DNAH7: variants seen among roughly 807,000 people sequenced by gnomAD.
DNAH7 encodes axonemal beta dynein heavy chain 7.
Under a neutral mutation model 444.6 loss-of-function variants are expected in DNAH7, and 397 were observed. The ratio of observed to expected loss-of-function variants is 0.89; its 90% CI spans 0.82 to 0.97. The LOEUF (loss-of-function observed/expected upper bound fraction) is 0.97, where lower values mean the gene tolerates loss of function less well. DNAH7 is among the 50% of genes least tolerant of loss of function. DNAH7 has a pLI of 0.00. For synonymous variants in DNAH7, 1,636 were observed against 1,624.4 expected, an observed-to-expected ratio of 1.01 and a Z score of -0.17; for missense variants, 4,902 against 4,800.8, an observed-to-expected ratio of 1.02 and a Z score of -0.62.
chr2:195,933,902 C>A (rs4477937), intron 21 of DNAH7, among the ~76,000 whole-genome samples: 151,473 of 152,248 alleles, frequency 0.99, 75,350 homozygotes, highest in Middle Eastern at 1. Flanking sequence ...AGTATAGTAA[C>A]AAATAAAAAA....
At chr2:196,045,158 AAGAAGG>A (rs1411511845) in intron 5 of DNAH7, among the ~76,000 whole-genome samples, 1 of 145,816 alleles carries the variant, frequency 6.9e-6, no homozygotes, top group African/African-American at 2.6e-5. Flanking sequence ...GGAGGAGGAG[AAGAAGG>A]AGGAGGAGGA....
At chr2:196,019,403 C>T in intron 8 of DNAH7, 108 bp from the exon 9 acceptor site, 1 of 817,720 alleles carries the variant, frequency 1.2e-6, no homozygotes, top group Non-Finnish European at 1.7e-6. Flanking sequence ...GTGCTGTATC[C>T]CTCATCATAA....
Position 195,890,789 on chromosome 2 carries a change from C to T in DNAH7, c.5046+866G>A, listed in dbSNP as rs146163586. 5.5e-4 allele frequency among the ~76,000 whole-genome samples: 84 copies of T among 152,298 alleles called. 1 individual carries two copies. The highest frequency in any genetic ancestry group is 1.8e-3 in the African/African-American group (76 of 41,570). On this transcript the variant is annotated intron_variant, in intron 31 of 64. Transcript: ENST00000312428. ...CAATAAGAGCAGAGCTGAGATTTCA[C>T]GTTTTATCCATTATTACCTGACTCA...
chr2:195,954,855 A>G (rs921523699), intron 19 of DNAH7, among the ~76,000 whole-genome samples: 5 of 151,976 alleles, frequency 3.3e-5, no homozygotes, highest in Non-Finnish European at 4.4e-5. Context: ...CATATCCTTC[A>G]CCCACTTGTT....
At chr2:196,030,204 AAGAC>A (rs1425751230) in intron 5 of DNAH7, among the ~76,000 whole-genome samples, 3 of 152,200 alleles carry the variant, frequency 2.0e-5, no homozygotes, top group Non-Finnish European at 2.9e-5. Context: ...TGATAGCAGA[AAGAC>A]AGAGAAATGA....
intron 1 of DNAH7, among the ~76,000 whole-genome samples, chr2:196,064,577 A>T (rs548570847): frequency 5.0e-4 from 76 of 152,250 alleles, no homozygotes; most frequent in Non-Finnish European, 7.2e-4. Flanking sequence ...CCATCCTGGA[A>T]TTTTGTGTTT....
intron 24 of DNAH7, among the ~76,000 whole-genome samples, chr2:195,915,787 A>AT (rs1187275207): frequency 6.6e-6 from 1 of 152,156 alleles, no homozygotes; most frequent in Non-Finnish European, 1.5e-5. Flanking sequence ...TTCTTCAGCC[A>AT]TATGGAAAGC....
intron 5 of DNAH7, among the ~76,000 whole-genome samples, chr2:196,030,687 C>T (rs936143327): frequency 1.2e-4 from 19 of 152,214 alleles, no homozygotes; most frequent in Admixed American, 1.0e-3. Flanking sequence ...GGTTACAGAG[C>T]CCATTCAAGT....
chr2:195,788,375 G>T (rs115732628), intron 57 of DNAH7, among the ~76,000 whole-genome samples: 1 of 152,184 alleles, frequency 6.6e-6, no homozygotes, highest in African/African-American at 2.4e-5. Flanking sequence ...TGGAAACCTA[G>T]ATTTTGAATA....
intron 43 of DNAH7, among the ~76,000 whole-genome samples, chr2:195,858,149 C>A (rs114841050): frequency 1.7e-3 from 253 of 152,162 alleles, no homozygotes; most frequent in African/African-American, 5.9e-3. Context: ...GAAAAAGGTA[C>A]CCCTTAGAAT....
chr2:195,795,608 T>G (rs987746822), intron 56 of DNAH7, among the ~76,000 whole-genome samples: 2 of 152,252 alleles, frequency 1.3e-5, no homozygotes, highest in East Asian at 1.9e-4. Flanking sequence ...ACTTGAGAAG[T>G]AGGCAAAGGT....
At position 195,884,637 on chromosome 2, in the gene DNAH7, G is replaced by A. The variant is rs764556067; in HGVS notation, c.5711C>T (p.Thr1904Ile). The A allele has an allele frequency of 1.8e-5, 29 of 1,614,170 alleles. No individual in the cohort carries two copies. The highest frequency in any genetic ancestry group is 2.5e-5 in the Non-Finnish European group (29 of 1,180,004). ...GTEQTSSKAL[T>I]VPFPEKGTIY... ...TGTTCCTTTTTCAGGAAATGGGACAGTTAGTGCCTTTGAGGATGTTTGCTC... is the reference window on the plus strand; with the variant it reads ...TGTTCCTTTTTCAGGAAATGGGACAATTAGTGCCTTTGAGGATGTTTGCTC... The change falls in exon 35 of 65, where the codon ACT becomes ATT. Residue 1904 changes from threonine to isoleucine, a missense_variant. Thr to Ile is a moderately conservative substitution (Grantham distance 89, BLOSUM62 -1). Transcript: ENST00000312428.
At chr2:196,018,211 T>C (rs775482584) in intron 9 of DNAH7, among the ~76,000 whole-genome samples, 1 of 152,138 alleles carries the variant, frequency 6.6e-6, no homozygotes, top group Non-Finnish European at 1.5e-5. Flanking sequence ...CCTAGTAGTC[T>C]AGCAAAGGCA....
chr2:195,817,896 T>C, intron 49 of DNAH7, 67 bp from the exon 50 acceptor site: 1 of 1,253,162 alleles, frequency 8.0e-7, no homozygotes, highest in South Asian at 1.6e-5. Flanking sequence ...CTTTTATGTG[T>C]CAAGTTCTGC....
Position 195,777,691 on chromosome 2 carries a change from G to C in DNAH7, c.11064+109C>G, listed in dbSNP as rs1478658134. On this transcript the variant is annotated intron_variant, in intron 59 of 64. Transcript: ENST00000312428. Reference sequence around the variant, plus strand: ...TATGACTGAAGAAAGCACAGACAAGGGTAACAAAAAAACAAGGCCTGCAGC... The same window carrying C: ...TATGACTGAAGAAAGCACAGACAAGCGTAACAAAAAAACAAGGCCTGCAGC... 3.6e-6 allele frequency: 4 copies of C among 1,120,586 alleles called. No homozygotes were observed. In the Admixed American group the frequency reaches 9.2e-5, roughly 26 times the overall value. The allele number at this position is 1,120,586 out of a possible 1,614,324, so 69.4% of individuals were successfully genotyped here.
chr2:195,959,854 A>C lies in DNAH7; in HGVS notation c.2891+406T>G, dbSNP rs572277478. On this transcript the variant is annotated intron_variant, in intron 18 of 64. Transcript: ENST00000312428. The stretch of plus-strand genomic sequence containing the variant: ...ATTCAGCAATCTTCTATGACAAGCT[A>C]ATGTATTTTTAAAACAAAATTATTA... 2.6e-5 allele frequency among the ~76,000 whole-genome samples: 4 copies of C among 152,328 alleles called. No homozygotes were observed. The South Asian group carries it at 8.3e-4, about 32-fold the overall frequency.
At chr2:195,886,917 T>G (rs1701742855) in intron 33 of DNAH7, among the ~76,000 whole-genome samples, 2 of 152,160 alleles carry the variant, frequency 1.3e-5, no homozygotes, top group Non-Finnish European at 2.9e-5. Flanking sequence ...CAAGTAAAAA[T>G]TAACTCTCTG....
chr2:195,904,879 A>G (rs1012206057), intron 27 of DNAH7: 1 of 152,080 alleles, frequency 6.6e-6, no homozygotes, highest in Non-Finnish European at 1.5e-5. Context: ...GGCTTTTATT[A>G]TTTTTTAAGG....
intron 21 of DNAH7, among the ~76,000 whole-genome samples, chr2:195,927,529 T>TAAATA (rs1559233459): frequency 4.7e-5 from 7 of 148,964 alleles, no homozygotes; most frequent in African/African-American, 1.7e-4. Context: ...ATAAATAAAT[T>TAAATA]AATTAATTAA....
Sources: gnomAD v4.1 joint callset for allele counts (sites outside exome capture counted in the v4.1 genomes callset) on GRCh38, gnomAD v4.1.1 for gene constraint, MANE v1.5 for transcripts, NCBI Gene and HGNC (gene_info 2026-07-23, HGNC 2026-07-21) for gene names.